LINGO2: variants seen among roughly 807,000 people sequenced by gnomAD.
The protein encoded by LINGO2 is leucine-rich repeat and immunoglobulin-like domain-containing nogo receptor-interacting protein 2.
LINGO2 carries 14 observed loss-of-function variants against 30.6 expected under a neutral mutation model. That is an observed-to-expected ratio of 0.46 (90% CI 0.30 to 0.72). LINGO2 has a LOEUF of 0.72. LINGO2 is among the 30% of genes least tolerant of loss of function. The pLI, the probability that LINGO2 is intolerant of heterozygous loss-of-function variation, is 0.07. For synonymous variants in LINGO2, 317 were observed against 288.5 expected (o/e 1.10, Z -1.00); for missense variants, 729 against 751.7 (o/e 0.97, Z 0.35).
At chr9:28,363,818 C>T (rs1201743761) in intron 3 of LINGO2, among the ~76,000 whole-genome samples, 3 of 152,080 alleles carry the variant, frequency 2.0e-5, no homozygotes, top group Admixed American at 6.6e-5. Flanking sequence ...TTTCTCCTAA[C>T]GTGTCTGTCT....
chr9:28,695,483 A>T, the LINGO2 span, among the ~76,000 whole-genome samples: 1 of 151,966 alleles, frequency 6.6e-6, no homozygotes, highest in African/African-American at 2.4e-5. Flanking sequence ...TTCACTTCAG[A>T]GAATGTATCT....
intron 4 of LINGO2, among the ~76,000 whole-genome samples, chr9:28,177,374 T>G (rs1337065034): frequency 6.6e-6 from 1 of 152,202 alleles, no homozygotes; most frequent in African/African-American, 2.4e-5. Flanking sequence ...TTTCCAAAAC[T>G]CCTAGGGAAA....
chr9:28,396,715 A>AAAAAAAAT (rs1822062121), intron 2 of LINGO2, among the ~76,000 whole-genome samples: 2 of 149,394 alleles, frequency 1.3e-5, no homozygotes, highest in Non-Finnish European at 3.0e-5. Context: ...AAAAAAAAAA[A>AAAAAAAAT]AAAAAGTCCT....
chr9:28,125,317 T>A (rs142219345), intron 4 of LINGO2, among the ~76,000 whole-genome samples: 2,652 of 152,352 alleles, frequency 0.017, 47 homozygotes, highest in Middle Eastern at 0.027. Context: ...TAATTAAAGA[T>A]CACTGTTGAT....
At chr9:29,005,274 G>T in the LINGO2 span, among the ~76,000 whole-genome samples, 1 of 151,634 alleles carries the variant, frequency 6.6e-6, no homozygotes, top group Non-Finnish European at 1.5e-5. Flanking sequence ...ATACATCAGG[G>T]TTACCTTCCA....
the LINGO2 span, among the ~76,000 whole-genome samples, chr9:28,787,093 G>A: frequency 6.9e-4 from 105 of 152,254 alleles, no homozygotes; most frequent in Admixed American, 5.2e-3. Flanking sequence ...AGGTAGTGAT[G>A]TTGCTTAGAA....
intron 3 of LINGO2, among the ~76,000 whole-genome samples, chr9:28,351,455 A>G (rs1244087635): frequency 6.6e-6 from 1 of 151,792 alleles, no homozygotes; most frequent in Non-Finnish European, 1.5e-5. Flanking sequence ...ACCAGGAAGA[A>G]GTTGAATCCC....
chr9:28,626,760 T>C (rs1342956481), intron 1 of LINGO2, among the ~76,000 whole-genome samples: 1 of 152,020 alleles, frequency 6.6e-6, no homozygotes, highest in Non-Finnish European at 1.5e-5. Flanking sequence ...GATTGTTTTT[T>C]TCTACATTGT....
intron 4 of LINGO2, among the ~76,000 whole-genome samples, chr9:28,259,010 T>A (rs1320866333): frequency 1.3e-5 from 2 of 151,994 alleles, no homozygotes; most frequent in Non-Finnish European, 2.9e-5. Context: ...AAGATGCATA[T>A]GAGGTTTTTT....
chr9:28,744,913 G>C, the LINGO2 span, among the ~76,000 whole-genome samples: 1 of 151,924 alleles, frequency 6.6e-6, no homozygotes, highest in African/African-American at 2.4e-5. Context: ...GGGATTACAG[G>C]TGTGAGCCAC....
intron 5 of LINGO2, among the ~76,000 whole-genome samples, chr9:27,988,422 C>A (rs1289419814): frequency 6.6e-6 from 1 of 152,020 alleles, no homozygotes; most frequent in African/African-American, 2.4e-5. Context: ...GAGGAATCAC[C>A]ACACTGTCTT....
chr9:29,015,109 C>T, the LINGO2 span, among the ~76,000 whole-genome samples: 62 of 152,060 alleles, frequency 4.1e-4, no homozygotes, highest in African/African-American at 1.3e-3. Flanking sequence ...TCTTGAAAGA[C>T]GGACATAGAG....
intron 1 of LINGO2, among the ~76,000 whole-genome samples, chr9:28,507,999 G>A (rs941698010): frequency 1.3e-5 from 2 of 151,956 alleles, no homozygotes; most frequent in Non-Finnish European, 2.9e-5. Context: ...GAAAAAAATA[G>A]GTATTCAAAA....
chr9:28,176,953 A>C (rs1385878579), intron 4 of LINGO2, among the ~76,000 whole-genome samples: 2 of 152,164 alleles, frequency 1.3e-5, no homozygotes, highest in African/African-American at 4.8e-5. Flanking sequence ...CTTTGATGTC[A>C]TCTTAGTTAC....
At chr9:29,073,935 G>A in the LINGO2 span, among the ~76,000 whole-genome samples, 1 of 152,028 alleles carries the variant, frequency 6.6e-6, no homozygotes, top group African/African-American at 2.4e-5. Context: ...GTACAGAAAG[G>A]GCCTATAACT....
chr9:29,068,061 G>T, the LINGO2 span, among the ~76,000 whole-genome samples: 1 of 151,858 alleles, frequency 6.6e-6, no homozygotes, highest in Admixed American at 6.6e-5. Context: ...GCATGAGACA[G>T]CAAATGACTG....
chr9:28,989,299 T>A, the LINGO2 span, among the ~76,000 whole-genome samples: 1 of 152,216 alleles, frequency 6.6e-6, no homozygotes, highest in Non-Finnish European at 1.5e-5. Flanking sequence ...TAGCATTGCA[T>A]CAAGAGAAAA....
chr9:28,797,668 T>C, the LINGO2 span, among the ~76,000 whole-genome samples: 1 of 152,074 alleles, frequency 6.6e-6, no homozygotes, highest in Non-Finnish European at 1.5e-5. Context: ...CATGTTTACT[T>C]TGATATGTCT....
chr9:28,067,600 A>G (rs1202006843), intron 4 of LINGO2, among the ~76,000 whole-genome samples: 2 of 152,100 alleles, frequency 1.3e-5, no homozygotes, highest in East Asian at 1.9e-4. Flanking sequence ...CATGGCACAC[A>G]GGGTGTGGAT....
Sources: allele counts gnomAD v4.1 joint callset (sites outside exome capture counted in the v4.1 genomes callset), GRCh38; gene constraint gnomAD v4.1.1; transcripts MANE v1.5; gene names NCBI Gene and HGNC (gene_info 2026-07-23, HGNC 2026-07-21).